The following APP variants were observed in gnomAD, a reference collection of about 807,000 sequenced individuals.
APP encodes amyloid-beta precursor protein.
In APP, 31 loss-of-function variants were observed where a neutral mutation model predicts 101.4. That is an observed-to-expected ratio of 0.31 (90% CI 0.23 to 0.41). APP has a LOEUF of 0.41. APP is among the 10% of genes least tolerant of loss of function. The pLI is 1.00. For synonymous variants in APP, 366 were observed against 364.4 expected (o/e 1.00, Z -0.05); for missense variants, 839 against 1,003.7 (o/e 0.84, Z 2.22).
chr21:26,021,505 A>C (rs1190157371), intron 6 of APP, among the ~76,000 whole-genome samples: 1 of 152,150 alleles, frequency 6.6e-6, no homozygotes, highest in African/African-American at 2.4e-5. Flanking sequence ...TTATATAACA[A>C]ACACTCACTG....
At chr21:26,142,894 A>C (rs1376140472) in intron 1 of APP, among the ~76,000 whole-genome samples, 1 of 152,252 alleles carries the variant, frequency 6.6e-6, no homozygotes, top group South Asian at 2.1e-4. Flanking sequence ...TGAAATGGTC[A>C]ATGCTAGATT....
At chr21:26,037,656 C>T (rs1434345651) in intron 5 of APP, among the ~76,000 whole-genome samples, 1 of 152,134 alleles carries the variant, frequency 6.6e-6, no homozygotes, top group Non-Finnish European at 1.5e-5. Context: ...CTTAGTTCCA[C>T]CATCATTGTA....
intron 15 of APP, among the ~76,000 whole-genome samples, chr21:25,901,699 G>A (rs2038500579): frequency 6.6e-6 from 1 of 152,190 alleles, no homozygotes; most frequent in Admixed American, 6.5e-5. Flanking sequence ...GGTCTTTCTT[G>A]AGTTGTGCTG....
chr21:25,931,960 A>G (rs370862623), intron 13 of APP, among the ~76,000 whole-genome samples: 3 of 152,336 alleles, frequency 2.0e-5, no homozygotes, highest in South Asian at 4.1e-4. Flanking sequence ...AAACATCCAC[A>G]TTAGATTCCC....
intron 1 of APP, among the ~76,000 whole-genome samples, chr21:26,134,076 T>C (rs1352946123): frequency 6.6e-6 from 1 of 152,144 alleles, no homozygotes; most frequent in Non-Finnish European, 1.5e-5. Flanking sequence ...AATGTTTGCC[T>C]CCTGGACTCA....
At chr21:26,121,537 G>A (rs919849263) in intron 1 of APP, among the ~76,000 whole-genome samples, 13 of 151,996 alleles carry the variant, frequency 8.6e-5, no homozygotes, top group Admixed American at 2.6e-4. Context: ...ACAGGCGCGC[G>A]TCACCACACC....
chr21:26,108,994 T>C (rs1045975625), intron 2 of APP, among the ~76,000 whole-genome samples: 9 of 152,182 alleles, frequency 5.9e-5, no homozygotes, highest in Non-Finnish European at 1.3e-4. Flanking sequence ...TCACAAGGTA[T>C]GATGTTTTGG....
intron 3 of APP, among the ~76,000 whole-genome samples, chr21:26,058,881 A>G (rs976484659): frequency 2.0e-5 from 3 of 152,134 alleles, no homozygotes; most frequent in African/African-American, 7.2e-5. Flanking sequence ...GGAGATCGAG[A>G]CCATCCTGGC....
At chr21:26,100,706 AG>A (rs1184945819) in intron 2 of APP, among the ~76,000 whole-genome samples, 1 of 152,240 alleles carries the variant, frequency 6.6e-6, no homozygotes, top group East Asian at 1.9e-4. Flanking sequence ...TGCTTTGTGC[AG>A]GCACTGCTGT....
intron 13 of APP, among the ~76,000 whole-genome samples, chr21:25,944,740 A>C (rs1014808906): frequency 2.0e-5 from 3 of 152,158 alleles, no homozygotes; most frequent in African/African-American, 7.2e-5. Context: ...TGAACCTTGA[A>C]GGCAGATGCT....
chr21:26,137,106 A>T (rs1041824031), intron 1 of APP, among the ~76,000 whole-genome samples: 1 of 152,052 alleles, frequency 6.6e-6, no homozygotes, highest in Non-Finnish European at 1.5e-5. Context: ...ACACCCAGCT[A>T]ATTTTTCCTA....
At chr21:25,963,254 C>A (rs2041658402) in intron 11 of APP, among the ~76,000 whole-genome samples, 1 of 152,170 alleles carries the variant, frequency 6.6e-6, no homozygotes, top group Non-Finnish European at 1.5e-5. Context: ...TGACTCAATG[C>A]CAGTCACGTC....
chr21:26,004,543 T>C (rs941650460), intron 6 of APP, among the ~76,000 whole-genome samples: 1 of 152,130 alleles, frequency 6.6e-6, no homozygotes, highest in Non-Finnish European at 1.5e-5. Flanking sequence ...CCGCCTGCCT[T>C]GGCCTCCCAA....
At chr21:26,003,549 T>C (rs1267664890) in intron 6 of APP, among the ~76,000 whole-genome samples, 2 of 152,180 alleles carry the variant, frequency 1.3e-5, no homozygotes, top group Admixed American at 6.5e-5. Context: ...GGTGTAACAG[T>C]GTATGTTAAT....
chr21:25,886,642 G>A (rs546673183), intron 17 of APP, among the ~76,000 whole-genome samples: 1 of 152,210 alleles, frequency 6.6e-6, no homozygotes, highest in African/African-American at 2.4e-5. Context: ...TGATCCACCT[G>A]CCTTGGCCTC....
intron 2 of APP, among the ~76,000 whole-genome samples, chr21:26,104,532 G>C (rs930526605): frequency 5.3e-5 from 8 of 152,040 alleles, no homozygotes; most frequent in African/African-American, 1.9e-4. Flanking sequence ...CTTTACAAGG[G>C]TTTATAACCA....
At chr21:25,895,109 G>A (rs1279047198) in intron 16 of APP, among the ~76,000 whole-genome samples, 1 of 122,134 alleles carries the variant, frequency 8.2e-6, no homozygotes, top group Non-Finnish European at 1.8e-5. Context: ...TATATACATG[G>A]CTTTTTTTTT....
chr21:25,986,348 A>T (rs1048998366), intron 8 of APP, among the ~76,000 whole-genome samples: 1 of 152,170 alleles, frequency 6.6e-6, no homozygotes, highest in Admixed American at 6.5e-5. Flanking sequence ...TTTGCATTTT[A>T]AACTACCATA....
At position 26,097,028 on chromosome 21, in the gene APP, C is replaced by T. The variant is rs138796568; in HGVS notation, c.226-6956G>A. 1.6e-3 allele frequency among the ~76,000 whole-genome samples: 245 copies of T among 152,272 alleles called. 1 individual carries two copies. The highest frequency in any genetic ancestry group is 5.5e-3 in the African/African-American group (230 of 41,544). On this transcript the variant is annotated intron_variant, in intron 2 of 17. Transcript: ENST00000346798. ...ATGTGCATTTGGATTCTAGGAGATG[C>T]CTTGTCCCCTTCAATAAGCCCTATT...
Sources: allele counts gnomAD v4.1 joint callset (sites outside exome capture counted in the v4.1 genomes callset), GRCh38; gene constraint gnomAD v4.1.1; transcripts MANE v1.5; gene names NCBI Gene and HGNC (gene_info 2026-07-23, HGNC 2026-07-21).